Variants in L3MBTL1 observed in about 807,000 individuals in gnomAD.
L3MBTL1 encodes the protein lethal(3)malignant brain tumor-like protein 1.
A neutral mutation model predicts 105.3 loss-of-function variants in L3MBTL1; 75 were observed. That is an observed-to-expected ratio of 0.71 (90% CI 0.59 to 0.86). The LOEUF (loss-of-function observed/expected upper bound fraction) is 0.86. Ranked by LOEUF, L3MBTL1 falls within the 40% of genes least tolerant of loss-of-function variation. The probability of loss-of-function intolerance (pLI) is 0.00; values close to 1 mark genes in which losing one functional copy is unlikely to be tolerated. For missense variants in L3MBTL1, 1,069 were observed against 1,126.4 expected (o/e 0.95, Z 0.73); for synonymous variants, 452 against 436.2 (o/e 1.04, Z -0.45).
chr20:43,514,870 T>C, intron 4 of L3MBTL1, 94 bp downstream of exon 4: 4 of 1,457,960 alleles, frequency 2.7e-6, no homozygotes, highest in Non-Finnish European at 3.7e-6. Flanking sequence ...CCCGGGGTGG[T>C]CCTGGGGTGG....
chr20:43,529,183 GGCA>G, intron 8 of L3MBTL1, 78 bp from the exon 9 acceptor site: 1 of 1,048,496 alleles, frequency 9.5e-7, no homozygotes, highest in South Asian at 1.4e-5. Flanking sequence ...GGGGCCTAAA[GGCA>G]GCTCCTTCAC....
exon 19 of L3MBTL1, chr20:43,550,901 GT>G (rs1471022993): frequency 6.6e-6 from 1 of 152,224 alleles, no homozygotes; most frequent in African/African-American, 2.4e-5. Flanking sequence ...AAAATGTGGT[GT>G]GATCTGTCAG....
chr20:43,529,153 T>C (rs1050277122), intron 8 of L3MBTL1, 111 bp from the exon 9 acceptor site: 5 of 732,234 alleles, frequency 6.8e-6, no homozygotes, highest in Non-Finnish European at 1.2e-5. Flanking sequence ...AAGTTGCCCC[T>C]TTGGAAATAC....
In L3MBTL1 at chr20:43,537,348, G is replaced by T. The variant is rs76698302; in HGVS notation, c.2173+890G>T. Among the ~76,000 whole-genome samples the T allele has an allele frequency of 2.0e-3, 301 of 152,354 alleles. 4 individuals are homozygous for T. Among genetic ancestry groups the T allele is most frequent in the African/African-American group, 7.0e-3 (293 of 41,586 alleles). On this transcript the variant is annotated intron_variant, in intron 19 of 21. Transcript: ENST00000418998. ...CTTCTGAAGCTTCCCTCCTTGGCTTGCAGATGGCTGCCTTCTTGCTGTGTT... is the reference window on the plus strand; with the variant it reads ...CTTCTGAAGCTTCCCTCCTTGGCTTTCAGATGGCTGCCTTCTTGCTGTGTT...
At chr20:43,532,670 C>A in intron 11 of L3MBTL1, 103 bp from the exon 12 acceptor site, 1 of 1,273,118 alleles carries the variant, frequency 7.9e-7, no homozygotes, top group Non-Finnish European at 1.1e-6. Flanking sequence ...ACTGCCCACA[C>A]CCCAGGCTTT....
intron 11 of L3MBTL1, 102 bp from the exon 12 acceptor site, chr20:43,532,671 C>T: frequency 2.3e-6 from 3 of 1,286,190 alleles, no homozygotes; most frequent in Non-Finnish European, 3.3e-6. Context: ...CTGCCCACAC[C>T]CCAGGCTTTC....
At chr20:43,539,030 CAG>C (rs2019772894) in intron 19 of L3MBTL1, 1 of 152,592 alleles carries the variant, frequency 6.6e-6, no homozygotes, top group Non-Finnish European at 1.5e-5. Flanking sequence ...CGCTGATGAA[CAG>C]AGAGAGCAGC....
At position 43,529,188 on chromosome 20, in the gene L3MBTL1, C is replaced by T. The variant is rs959855425; in HGVS notation, c.952-76C>T. On this transcript the variant is annotated intron_variant, in intron 8 of 21. Coordinates refer to ENST00000418998, the MANE Select transcript of L3MBTL1 (RefSeq NM_001377303.1). The stretch of plus-strand genomic sequence containing the variant: ...CCAGGCGGGTGGGGCCTAAAGGCAG[C>T]TCCTTCACCCCAAGCCCACTAGGCA... 3 of 1,125,818 alleles carry T rather than the reference C, an allele frequency of 2.7e-6. No homozygotes were observed. In the African/African-American group the frequency reaches 4.6e-5, roughly 17 times the overall value. The allele number at this position is 1,125,818 out of a possible 1,614,324, so 69.7% of individuals were successfully genotyped here.
At position 43,536,235 on chromosome 20, in the gene L3MBTL1, A is replaced by G; in HGVS notation, c.2064A>G (p.Ser688=). 6.2e-7 allele frequency: 1 copy of G among 1,612,476 alleles called. No individual in the cohort carries two copies. Among genetic ancestry groups the G allele is most frequent in the Non-Finnish European group, 8.5e-7 (1 of 1,179,588 alleles). ...LKAELSDSEA[S]ARKKNLSGFS... ...CGGAGCTGTCTGACTCGGAGGCCTC[A>G]GCCCGCAAGAAGAACCTCTCAGGCT... Residue 688 remains serine (S), a synonymous_variant, in exon 18 of 22, where the codon TCA becomes TCG. Transcript: ENST00000418998.
intron 1 of L3MBTL1, among the ~76,000 whole-genome samples, chr20:43,511,605 A>G (rs1408155365): frequency 1.3e-5 from 2 of 151,658 alleles, no homozygotes; most frequent in African/African-American, 4.8e-5. Context: ...ACATGGTGAA[A>G]CCCCGTCTCT....
Position 43,528,763 on chromosome 20 carries a change from C to G in L3MBTL1, c.951+18C>G. ...TCCAGGACGTGAGTTGGACAATTTCCCCGTAGGAACAGCTTGTCTTCCTAG... is the reference window on the plus strand; with the variant it reads ...TCCAGGACGTGAGTTGGACAATTTCGCCGTAGGAACAGCTTGTCTTCCTAG... On this transcript the variant is annotated intron_variant, in intron 8 of 21. Transcript: ENST00000418998. 1 of 1,587,216 alleles carries G rather than the reference C, an allele frequency of 6.3e-7. No homozygotes were observed. Among genetic ancestry groups the G allele is most frequent in the Non-Finnish European group, 8.7e-7 (1 of 1,155,396 alleles).
Position 43,536,289 on chromosome 20 carries a change from C to T in L3MBTL1, c.2118C>T (p.His706=), listed in dbSNP as rs773177078. 1.5e-5 allele frequency: 24 copies of T among 1,612,700 alleles called. No individual in the cohort carries two copies. The South Asian group carries it at 1.8e-4, about 12-fold the overall frequency. ...GFSPRKKPRH[H]GRIGRPPKYR... ...CCCCAAGGAAGAAGCCTCGCCATCA[C>T]GGCCGGTATGGAGGCCAGGGAATCA... The change falls in exon 18 of 22, where the codon CAC becomes CAT. Residue 706 remains histidine (H), a synonymous_variant. Coordinates refer to ENST00000418998, the MANE Select transcript of L3MBTL1 (RefSeq NM_001377303.1).
chr20:43,530,457 G>A, intron 10 of L3MBTL1, 38 bp downstream of exon 10: 1 of 1,604,668 alleles, frequency 6.2e-7, no homozygotes, highest in East Asian at 2.2e-5. Flanking sequence ...GAGGCAGTGA[G>A]TCCTCAGACC....
intron 18 of L3MBTL1, chr20:43,548,025 C>A: frequency 2.1e-6 from 2 of 931,174 alleles, no homozygotes; most frequent in Non-Finnish European, 3.0e-6. Flanking sequence ...CCCCATTCCC[C>A]ATGCACACCC....
intron 3 of L3MBTL1, 104 bp from the exon 4 acceptor site, chr20:43,514,531 G>C: frequency 6.4e-7 from 1 of 1,574,168 alleles, no homozygotes; most frequent in Non-Finnish European, 8.6e-7. Context: ...GGCCTGCTGA[G>C]GGCGTGAGCT....
intron 14 of L3MBTL1, 31 bp downstream of exon 14, chr20:43,534,124 A>G: frequency 1.3e-6 from 2 of 1,592,634 alleles, no homozygotes; most frequent in Non-Finnish European, 1.7e-6. Context: ...CCCAGAGCTG[A>G]GCTCAGAAAG....
chr20:43,517,783 C>T (rs2018478012), intron 7 of L3MBTL1, among the ~76,000 whole-genome samples: 1 of 152,190 alleles, frequency 6.6e-6, no homozygotes, highest in Non-Finnish European at 1.5e-5. Context: ...AGGACATTAT[C>T]CTGCCTTGAT....
downstream of L3MBTL1, among the ~76,000 whole-genome samples, chr20:43,545,865 C>T (rs1317349211): frequency 6.6e-6 from 1 of 152,156 alleles, no homozygotes; most frequent in East Asian, 1.9e-4. Context: ...GCTGGGGGGA[C>T]AGATATATGG....
rs1397282415 is a variant in L3MBTL1 at position 43,510,386 on chromosome 20, T to TTTTCTTTC, written c.-29+2658_-29+2665dup. On this transcript the variant is annotated intron_variant, in intron 1 of 21. Transcript: ENST00000418998. ...AAATTCAGGGAATTATGTTTTATAA[T>TTTTCTTTC]TTTCTTTCTTTCTTTCTTTCTTTTT... Among the ~76,000 whole-genome samples, 40 of 143,174 alleles carry TTTTCTTTC rather than the reference T, an allele frequency of 2.8e-4. 1 individual carries two copies. Among genetic ancestry groups the TTTTCTTTC allele is most frequent in the South Asian group, 6.6e-4 (3 of 4,520 alleles). 93.9% of individuals were successfully genotyped at this position (143,174 alleles called of 152,430 possible).
Sources: allele counts gnomAD v4.1 joint callset (sites outside exome capture counted in the v4.1 genomes callset), GRCh38; gene constraint gnomAD v4.1.1; transcripts MANE v1.5; gene names NCBI Gene and HGNC (gene_info 2026-07-23, HGNC 2026-07-21).